Variants in ARHGAP20 observed in about 807,000 individuals in gnomAD.
ARHGAP20 encodes the protein rho GTPase-activating protein 20.
A neutral mutation model predicts 73.7 loss-of-function variants in ARHGAP20; 34 were observed. The observed-to-expected ratio is 0.46, with a 90% CI of 0.35 to 0.61. ARHGAP20 has a LOEUF of 0.61. ARHGAP20 is among the 20% of genes least tolerant of loss of function. The pLI, the probability that ARHGAP20 is intolerant of heterozygous loss-of-function variation, is 0.00. For synonymous variants in ARHGAP20, 523 were observed against 518.2 expected (o/e 1.01, Z -0.13); for missense variants, 1,314 against 1,420.9 (o/e 0.92, Z 1.21).
In ARHGAP20 at chr11:110,579,938, C is replaced by T; in HGVS notation, c.3008G>A (p.Gly1003Asp). The change falls in exon 15 of 15, where the codon GGT becomes GAT. Residue 1003 changes from glycine to aspartate, a missense_variant. Transcript: ENST00000683387. ...GCTGCAAGCCTGCCCTGATGAGGGACCGGGCATTCCGGAAACATGGCTGGC... is the reference window on the plus strand; with the variant it reads ...GCTGCAAGCCTGCCCTGATGAGGGATCGGGCATTCCGGAAACATGGCTGGC... ...SNASHVSGMP[G>D]PSSGQACSRP... 1 of 1,614,202 alleles carries T rather than the reference C, an allele frequency of 6.2e-7. No individual in the cohort carries two copies. The highest frequency in any genetic ancestry group is 8.5e-7 in the Non-Finnish European group (1 of 1,180,036).
chr11:110,668,347 T>A (rs911776567), intron 2 of ARHGAP20, among the ~76,000 whole-genome samples: 2 of 152,140 alleles, frequency 1.3e-5, no homozygotes, highest in Admixed American at 1.3e-4. Flanking sequence ...ATACAAATTG[T>A]TTTTTAAAGT....
intron 2 of ARHGAP20, among the ~76,000 whole-genome samples, chr11:110,687,765 T>C (rs1950164556): frequency 6.6e-6 from 1 of 152,174 alleles, no homozygotes; most frequent in South Asian, 2.1e-4. Flanking sequence ...AAATAGTTCT[T>C]AATAAAGTAT....
intron 2 of ARHGAP20, among the ~76,000 whole-genome samples, chr11:110,665,611 A>T (rs1374666683): frequency 6.6e-6 from 1 of 152,202 alleles, no homozygotes; most frequent in Non-Finnish European, 1.5e-5. Flanking sequence ...GAGTTGAGAA[A>T]TCAAGGAGGC....
intron 3 of ARHGAP20, among the ~76,000 whole-genome samples, chr11:110,625,956 G>A (rs6589156): frequency 0.16 from 24,513 of 152,150 alleles, 3,200 homozygotes; most frequent in African/African-American, 0.36. Context: ...AGATGAAAAA[G>A]GATTTTGCAG....
intron 14 of ARHGAP20, among the ~76,000 whole-genome samples, chr11:110,581,442 G>A (rs1036485334): frequency 3.3e-5 from 5 of 152,172 alleles, no homozygotes; most frequent in Admixed American, 3.3e-4. Context: ...CTTTCCTTAA[G>A]TAAGATTTTC....
chr11:110,695,186 T>C (rs1287222790), intron 1 of ARHGAP20, among the ~76,000 whole-genome samples: 1 of 151,582 alleles, frequency 6.6e-6, no homozygotes, highest in Non-Finnish European at 1.5e-5. Context: ...AGACCATATA[T>C]AAAAATTAAC....
Position 110,690,541 on chromosome 11 carries a change from A to C in ARHGAP20, c.188+6T>G, listed in dbSNP as rs1565479625. On this transcript the variant is annotated splice_donor_region_variant and intron_variant, in intron 2 of 14. Coordinates refer to ENST00000683387, the MANE Select transcript of ARHGAP20 (RefSeq NM_001384657.1). Reference sequence around the variant, plus strand: ...CTGAATGTGTAATACAAAGCTTTGCACTTACCTGGTAGTAGGCCGTTTTTG... The same window carrying C: ...CTGAATGTGTAATACAAAGCTTTGCCCTTACCTGGTAGTAGGCCGTTTTTG... The C allele has an allele frequency of 6.2e-7, 1 of 1,612,478 alleles. No homozygotes were observed. Among genetic ancestry groups the C allele is most frequent in the Non-Finnish European group, 8.5e-7 (1 of 1,178,512 alleles).
At position 110,606,695 on chromosome 11, in the gene ARHGAP20, A is replaced by G; in HGVS notation, c.830T>C (p.Leu277Pro). The G allele has an allele frequency of 6.3e-7, 1 of 1,599,602 alleles. No homozygotes were observed. Among genetic ancestry groups the G allele is most frequent in the Non-Finnish European group, 8.5e-7 (1 of 1,175,058 alleles). ...GGTAGAGTCCTTTGATCCCGGTGTC[A>G]GGAGTGCAGAGTCTCGAAGATGGCT... Reference protein sequence around the residue: ...KMSHLRDSALLTPGSKDSTTP... With the variant: ...KMSHLRDSALPTPGSKDSTTP... Residue 277 changes from leucine to proline, a missense_variant, in exon 9 of 15, where the codon CTG becomes CCG. Coordinates refer to ENST00000683387, the MANE Select transcript of ARHGAP20 (RefSeq NM_001384657.1).
At position 110,592,140 on chromosome 11, in the gene ARHGAP20, G is replaced by T. The variant is rs751846131; in HGVS notation, c.980C>A (p.Thr327Lys). The T allele has an allele frequency of 1.2e-6, 2 of 1,613,828 alleles. No individual in the cohort carries two copies. The highest frequency in any genetic ancestry group is 1.1e-5 in the South Asian group (1 of 90,996). The change falls in exon 10 of 15, where the codon ACA (threonine) becomes AAA (lysine). Residue 327 changes from threonine (T) to lysine (K), a missense_variant. By Grantham distance (78) the Thr-to-Lys change is moderately conservative. This residue lies in a region of ARHGAP20 where 443 missense variants were observed against 466.4 expected (regional missense o/e 0.95). Coordinates refer to ENST00000683387, the MANE Select transcript of ARHGAP20 (RefSeq NM_001384657.1). ...TATGATAGATCTTCTCCTTTTAAAT[G>T]TCTTATGACCTGAATCTAAGGAAGA... ...AQQLSDSGHK[T>K]FKRRRSIINW... is the part of the protein sequence containing the mutation.
intron 2 of ARHGAP20, among the ~76,000 whole-genome samples, chr11:110,684,121 G>C (rs1253135877): frequency 6.6e-6 from 1 of 152,068 alleles, no homozygotes; most frequent in Non-Finnish European, 1.5e-5. Context: ...TATATAAAAA[G>C]ATATATAGTG....
intron 11 of ARHGAP20, among the ~76,000 whole-genome samples, chr11:110,587,235 G>C (rs183826032): frequency 2.6e-5 from 4 of 152,094 alleles, no homozygotes; most frequent in Non-Finnish European, 4.4e-5. Flanking sequence ...TTTTGGTATG[G>C]CATTACCAAG....
intron 1 of ARHGAP20, among the ~76,000 whole-genome samples, chr11:110,702,585 G>A (rs1161877313): frequency 6.6e-6 from 1 of 151,666 alleles, no homozygotes; most frequent in Admixed American, 6.6e-5. Context: ...AGGAAAAGAG[G>A]AAGTCAAATT....
chr11:110,655,315 T>C (rs1949441300), intron 2 of ARHGAP20, among the ~76,000 whole-genome samples: 1 of 152,204 alleles, frequency 6.6e-6, no homozygotes, highest in South Asian at 2.1e-4. Context: ...GAAGAGTCAC[T>C]GTCTTAGAAA....
intron 1 of ARHGAP20, among the ~76,000 whole-genome samples, chr11:110,709,515 T>C (rs1297269331): frequency 6.6e-6 from 1 of 152,114 alleles, no homozygotes; most frequent in African/African-American, 2.4e-5. Flanking sequence ...GCAGAAGGTA[T>C]AGAGAATGAC....
intron 9 of ARHGAP20, among the ~76,000 whole-genome samples, chr11:110,600,279 G>A (rs1246371217): frequency 6.6e-6 from 1 of 152,214 alleles, no homozygotes; most frequent in African/African-American, 2.4e-5. Context: ...CCTGAGCAGG[G>A]CTGTGACTCC....
rs190144934 is a variant in ARHGAP20, at chr11:110,648,176, T to C, written c.189-17384A>G. Among the ~76,000 whole-genome samples the C allele has an allele frequency of 3.3e-3, 306 of 91,614 alleles. 2 individuals carry two copies. Among genetic ancestry groups the C allele is most frequent in the Admixed American group, 6.1e-3 (57 of 9,272 alleles). The allele number at this position is 91,614 out of a possible 152,430, so 60.1% of individuals were successfully genotyped here. A position where few individuals can be genotyped will look rare whatever the true frequency, so the allele number is the denominator to read the frequency against. On this transcript the variant is annotated intron_variant, in intron 2 of 14. Coordinates refer to ENST00000683387, the MANE Select transcript of ARHGAP20 (RefSeq NM_001384657.1). ...TATAATATATATATATATGTAAATA[T>C]ATATATATATATGTAAATATATATA...
Position 110,578,651 on chromosome 11 carries a change from ACT to A in ARHGAP20, c.*717_*718del, listed in dbSNP as rs1565414682. The A allele has an allele frequency of 1.0e-6, 1 of 985,242 alleles. No homozygotes were observed. Among genetic ancestry groups the A allele is most frequent in the South Asian group, 4.7e-5 (1 of 21,274 alleles). 61.0% of individuals were successfully genotyped at this position (985,242 alleles called of 1,614,324 possible). A position where few individuals can be genotyped will look rare whatever the true frequency, so the allele number is the denominator to read the frequency against. On this transcript the variant is annotated 3_prime_UTR_variant, in exon 15 of 15. Transcript: ENST00000683387. ...AGCCATTTTCTTCTTTCTCCTCACA[ACT>A]CTGTTTCCTGAAGCCTTGCAAAGCA...
chr11:110,661,672 C>A (rs990338231), intron 2 of ARHGAP20, among the ~76,000 whole-genome samples: 4 of 151,992 alleles, frequency 2.6e-5, no homozygotes, highest in Non-Finnish European at 4.4e-5. Context: ...TTTAGCATAA[C>A]ATATACTTTA....
At chr11:110,709,923 A>C (rs1475160977) in intron 1 of ARHGAP20, among the ~76,000 whole-genome samples, 2 of 152,256 alleles carry the variant, frequency 1.3e-5, no homozygotes, top group Admixed American at 6.5e-5. Flanking sequence ...AGGCAAGTTA[A>C]GACATTTCTG....
Sources: allele counts gnomAD v4.1 joint callset (sites outside exome capture counted in the v4.1 genomes callset), GRCh38; gene constraint gnomAD v4.1.1; regional missense constraint gnomAD v4.1.1; transcripts MANE v1.5; gene names NCBI Gene and HGNC (gene_info 2026-07-23, HGNC 2026-07-21).